Variants in EDN1 observed in about 807,000 individuals in gnomAD.
EDN1 encodes endothelin 1.
A neutral mutation model predicts 21.7 loss-of-function variants in EDN1; 11 were observed. The ratio of observed to expected loss-of-function variants is 0.51; its 90% CI spans 0.32 to 0.84. The LOEUF is 0.84. Among genes scored for constraint, EDN1 ranks in the 40% least tolerant of loss-of-function variants. The probability of loss-of-function intolerance (pLI) is 0.03; values close to 1 mark genes in which losing one functional copy is unlikely to be tolerated. For synonymous variants in EDN1, 85 were observed against 90.6 expected (o/e 0.94, Z 0.35); for missense variants, 244 against 262.3 (o/e 0.93, Z 0.48).
the EDN1 span, among the ~76,000 whole-genome samples, chr6:12,274,230 T>C: frequency 6.6e-6 from 1 of 152,198 alleles, no homozygotes; most frequent in East Asian, 1.9e-4. Flanking sequence ...TGGATTTTAT[T>C]TTGATGTAGA....
the EDN1 span, among the ~76,000 whole-genome samples, chr6:12,278,846 G>A: frequency 3.3e-5 from 5 of 152,164 alleles, no homozygotes; most frequent in East Asian, 1.9e-4. Context: ...GCAGTGAGCC[G>A]AGATCATGCC....
At chr6:12,255,323 A>G in the EDN1 span, among the ~76,000 whole-genome samples, 1 of 152,244 alleles carries the variant, frequency 6.6e-6, no homozygotes, top group Non-Finnish European at 1.5e-5. Context: ...ATAGGTTAGC[A>G]TACTACATCA....
chr6:12,293,355 A>T (rs1762734540), intron 2 of EDN1, among the ~76,000 whole-genome samples: 1 of 152,232 alleles, frequency 6.6e-6, no homozygotes, highest in Non-Finnish European at 1.5e-5. Context: ...ATTGGAAATT[A>T]TTGGAGAGCC....
At chr6:12,254,035 T>C in the EDN1 span, among the ~76,000 whole-genome samples, 2 of 152,092 alleles carry the variant, frequency 1.3e-5, no homozygotes, top group African/African-American at 2.4e-5. Context: ...TTTCATCAAA[T>C]CTACTATCCA....
At chr6:12,293,338 T>C (rs1476740172) in intron 2 of EDN1, among the ~76,000 whole-genome samples, 2 of 152,124 alleles carry the variant, frequency 1.3e-5, no homozygotes, top group Non-Finnish European at 2.9e-5. Context: ...AGAATGAAAA[T>C]GGACACATTG....
In EDN1 at chr6:12,294,349, T is replaced by A. The variant is rs767323529; in HGVS notation, c.478T>A (p.Leu160Ile). 6.2e-7 allele frequency: 1 copy of A among 1,613,932 alleles called. No individual in the cohort carries two copies. Among genetic ancestry groups the A allele is most frequent in the Non-Finnish European group, 8.5e-7 (1 of 1,179,968 alleles). The stretch of plus-strand genomic sequence containing the variant: ...TGGGAAAAAGTGTATTTATCAGCAG[T>A]TAGTGAGAGGAAGAAAAATCAGAAG... Reference protein sequence around the residue: ...KLGKKCIYQQLVRGRKIRRSS... With the variant: ...KLGKKCIYQQIVRGRKIRRSS... The change falls in exon 4 of 5, where the codon TTA (leucine) becomes ATA (isoleucine). Residue 160 changes from leucine (L) to isoleucine (I), a missense_variant. Leu to Ile is a conservative substitution (Grantham distance 5, BLOSUM62 2). Transcript: ENST00000379375.
At chr6:12,289,003 A>G (rs1762612439), upstream of EDN1, among the ~76,000 whole-genome samples, 1 of 152,154 alleles carries the variant, frequency 6.6e-6, no homozygotes, top group Admixed American at 6.5e-5. Flanking sequence ...AGAACAAACA[A>G]AAATTCTGGG....
the EDN1 span, among the ~76,000 whole-genome samples, chr6:12,251,992 C>T: frequency 6.6e-6 from 1 of 152,160 alleles, no homozygotes; most frequent in African/African-American, 2.4e-5. Context: ...TTTTCTTTCT[C>T]AAAAACTTGG....
At chr6:12,263,423 A>C in the EDN1 span, among the ~76,000 whole-genome samples, 1 of 152,208 alleles carries the variant, frequency 6.6e-6, no homozygotes, top group Non-Finnish European at 1.5e-5. Context: ...GGAGAATAAA[A>C]ATTCACCCAA....
the EDN1 span, among the ~76,000 whole-genome samples, chr6:12,278,620 G>A: frequency 1.3e-5 from 2 of 152,192 alleles, no homozygotes; most frequent in African/African-American, 4.8e-5. Context: ...GGCCAGGCAT[G>A]GTGGCTCATA....
the EDN1 span, among the ~76,000 whole-genome samples, chr6:12,243,885 T>G: frequency 1.3e-5 from 2 of 152,220 alleles, no homozygotes; most frequent in Non-Finnish European, 2.9e-5. Context: ...TAACCTAATT[T>G]ATACAAATAT....
chr6:12,287,736 A>T (rs1762582777), upstream of EDN1, among the ~76,000 whole-genome samples: 2 of 149,550 alleles, frequency 1.3e-5, no homozygotes, highest in South Asian at 2.1e-4. Context: ...ACACACACAC[A>T]CACACACACA....
At chr6:12,260,753 G>T in the EDN1 span, among the ~76,000 whole-genome samples, 1 of 151,596 alleles carries the variant, frequency 6.6e-6, no homozygotes, top group Non-Finnish European at 1.5e-5. Flanking sequence ...TTATCATATT[G>T]TTTTTTTCAA....
the EDN1 span, among the ~76,000 whole-genome samples, chr6:12,254,747 T>C: frequency 6.6e-6 from 1 of 152,160 alleles, no homozygotes; most frequent in Non-Finnish European, 1.5e-5. Context: ...CATAAATCTG[T>C]AGCATTTTAT....
the EDN1 span, among the ~76,000 whole-genome samples, chr6:12,281,066 T>C: frequency 3.1e-4 from 47 of 152,364 alleles, no homozygotes; most frequent in African/African-American, 1.0e-3. Context: ...CAATTTCAGC[T>C]GGAATTAGGA....
At chr6:12,234,090 G>A in the EDN1 span, among the ~76,000 whole-genome samples, 2 of 152,246 alleles carry the variant, frequency 1.3e-5, no homozygotes, top group Non-Finnish European at 2.9e-5. Flanking sequence ...GGGTTAGGAA[G>A]TTGGCTCTTG....
the EDN1 span, among the ~76,000 whole-genome samples, chr6:12,231,518 T>C: frequency 0.95 from 144,932 of 152,290 alleles, 69,001 homozygotes; most frequent in East Asian, 1. Context: ...TAAAACTAAA[T>C]AGTAATTTGA....
At chr6:12,249,411 T>C in the EDN1 span, among the ~76,000 whole-genome samples, 3 of 151,964 alleles carry the variant, frequency 2.0e-5, no homozygotes, top group African/African-American at 7.3e-5. Context: ...CATGAATATG[T>C]GCTTAATAAA....
the EDN1 span, among the ~76,000 whole-genome samples, chr6:12,266,122 AG>A: frequency 6.6e-6 from 1 of 152,200 alleles, no homozygotes; most frequent in Non-Finnish European, 1.5e-5. Flanking sequence ...AGCCTTGGTT[AG>A]GTAACTGAGG....
Sources: allele counts gnomAD v4.1 joint callset (sites outside exome capture counted in the v4.1 genomes callset), GRCh38; gene constraint gnomAD v4.1.1; transcripts MANE v1.5; gene names NCBI Gene and HGNC (gene_info 2026-07-23, HGNC 2026-07-21).